The following GALNT9 variants were observed in gnomAD, a reference collection of about 807,000 sequenced individuals.
GALNT9 encodes GalNAc transferase 9.
Under a neutral mutation model 63.1 loss-of-function variants are expected in GALNT9, and 47 were observed. The ratio of observed to expected loss-of-function variants is 0.75; its 90% CI spans 0.59 to 0.95. The LOEUF is 0.95. Ranked by LOEUF, GALNT9 falls within the 40% of genes least tolerant of loss-of-function variation. The probability of loss-of-function intolerance (pLI) is 0.00; values close to 1 mark genes in which losing one functional copy is unlikely to be tolerated. For missense variants in GALNT9, 829 were observed against 874.8 expected (o/e 0.95, Z 0.66); for synonymous variants, 396 against 365.7 (o/e 1.08, Z -0.94).
At chr12:132,272,559 C>T (rs1044650917) in intron 2 of GALNT9, 1 of 152,230 alleles carries the variant, frequency 6.6e-6, no homozygotes, top group Admixed American at 6.5e-5. Context: ...CACCTAACAC[C>T]TGACACTCAT....
chr12:132,312,216 C>T (rs1402379635), intron 1 of GALNT9, among the ~76,000 whole-genome samples: 1 of 152,180 alleles, frequency 6.6e-6, no homozygotes, highest in Non-Finnish European at 1.5e-5. Context: ...ACTAATACAG[C>T]GTTTGATAAA....
chr12:132,198,459 T>G (rs7979100), intron 9 of GALNT9, among the ~76,000 whole-genome samples: 107,437 of 151,748 alleles, frequency 0.71, 38,114 homozygotes, highest in South Asian at 0.72. Context: ...CCTGGGCCTG[T>G]GCTGCAGGTG....
chr12:132,291,757 A>G (rs1880868261), intron 1 of GALNT9, among the ~76,000 whole-genome samples: 1 of 152,178 alleles, frequency 6.6e-6, no homozygotes, highest in African/African-American at 2.4e-5. Flanking sequence ...ACCCCTGGAG[A>G]CCAGATGCGC....
intron 7 of GALNT9, 150 bp from the exon 8 acceptor site, chr12:132,201,411 GGACC>G: frequency 4.1e-6 from 2 of 491,552 alleles, no homozygotes; most frequent in South Asian, 2.1e-5. Flanking sequence ...CATCCAGTTG[GGACC>G]CCCCAGCCTC....
chr12:132,225,446 ACAC>A (rs1470986955), intron 6 of GALNT9, among the ~76,000 whole-genome samples: 3 of 146,288 alleles, frequency 2.1e-5, no homozygotes, highest in Non-Finnish European at 1.5e-5. Context: ...CACACACACC[ACAC>A]AACTGAAACT....
At chr12:132,314,013 CCACCCATACATCCATCCACT>C (rs1868391822) in intron 1 of GALNT9, among the ~76,000 whole-genome samples, 1 of 68,252 alleles carries the variant, frequency 1.5e-5, no homozygotes, top group Non-Finnish European at 3.4e-5. Flanking sequence ...ATCCACCCAC[CCACCCATACATCCATCCACT>C]CACCCACCCA....
chr12:132,299,396 T>C (rs1391425123), intron 1 of GALNT9, among the ~76,000 whole-genome samples: 1 of 126,564 alleles, frequency 7.9e-6, no homozygotes, highest in Non-Finnish European at 1.7e-5. Context: ...AACCCATCCC[T>C]GAGATGACCA....
chr12:132,311,257 A>G (rs1414651117), intron 1 of GALNT9, among the ~76,000 whole-genome samples: 1 of 152,194 alleles, frequency 6.6e-6, no homozygotes, highest in Admixed American at 6.5e-5. Flanking sequence ...AAGGGGGAAG[A>G]AATCAGAGGT....
intron 1 of GALNT9, among the ~76,000 whole-genome samples, chr12:132,304,265 G>A (rs1475001871): frequency 3.3e-4 from 14 of 41,898 alleles, no homozygotes; most frequent in African/African-American, 5.1e-4. Context: ...CCTCACCCGG[G>A]CACACCCTCG....
rs187688540 is a variant in GALNT9 at position 132,302,728 on chromosome 12, G to C, written c.239-16298C>G. ...GGCAGGATCCCCAGGAAGAGGAGTCGGAGGGAAGAGAAAGGCCAGGAGGGC... is the reference window on the plus strand; with the variant it reads ...GGCAGGATCCCCAGGAAGAGGAGTCCGAGGGAAGAGAAAGGCCAGGAGGGC... On this transcript the variant is annotated intron_variant, in intron 1 of 10. Transcript: ENST00000328957. 3.2e-4 allele frequency among the ~76,000 whole-genome samples: 49 copies of C among 152,336 alleles called. No homozygotes were observed. In the East Asian group the frequency reaches 8.9e-3, roughly 28 times the overall value.
At chr12:132,313,200 T>G (rs1295513735) in intron 1 of GALNT9, among the ~76,000 whole-genome samples, 1 of 77,880 alleles carries the variant, frequency 1.3e-5, no homozygotes, top group African/African-American at 5.2e-5. Context: ...CATACATCTG[T>G]ACATCCATCC....
rs147444947 is a variant in GALNT9 at position 132,243,816 on chromosome 12, C to T, written c.1077+4094G>A. 1.2e-3 allele frequency among the ~76,000 whole-genome samples: 189 copies of T among 152,306 alleles called. 2 individuals are homozygous for T. Among genetic ancestry groups the T allele is most frequent in the African/African-American group, 4.2e-3 (174 of 41,576 alleles). ...CTGGGGACTGGGAATCAGCCGCTGTCCCAGCCCACCCGTCAATCACCCATC... is the reference window on the plus strand; with the variant it reads ...CTGGGGACTGGGAATCAGCCGCTGTTCCAGCCCACCCGTCAATCACCCATC... On this transcript the variant is annotated intron_variant, in intron 6 of 10. Coordinates refer to ENST00000328957, the MANE Select transcript of GALNT9 (RefSeq NM_001122636.2).
intron 7 of GALNT9, among the ~76,000 whole-genome samples, chr12:132,203,214 C>A (rs1876319818): frequency 6.6e-6 from 1 of 152,214 alleles, no homozygotes; most frequent in Non-Finnish European, 1.5e-5. Context: ...GAGGCCGCCC[C>A]TCCCTGGCTT....
intron 2 of GALNT9, among the ~76,000 whole-genome samples, chr12:132,268,765 C>G (rs543986496): frequency 6.6e-6 from 1 of 152,246 alleles, no homozygotes; most frequent in Non-Finnish European, 1.5e-5. Context: ...AAGCAGCCAT[C>G]AAGCACGTGC....
chr12:132,264,810 A>T (rs1284991796), intron 2 of GALNT9, among the ~76,000 whole-genome samples: 1 of 152,174 alleles, frequency 6.6e-6, no homozygotes, highest in African/African-American at 2.4e-5. Flanking sequence ...GGCTCCTAGA[A>T]GTGGGGCCCG....
Position 132,329,431 on chromosome 12 carries a change from G to A in GALNT9, c.-228C>T. On this transcript the variant is annotated 5_prime_UTR_variant, in exon 1 of 11. Coordinates refer to ENST00000328957, the MANE Select transcript of GALNT9 (RefSeq NM_001122636.2). ...GGGGCTGGGGTCGCGGGGCGCGGCC[G>A]GCATCCCCCGCTCAGAGGGCGCGGC... 2.6e-6 allele frequency: 1 copy of A among 381,320 alleles called. No homozygotes were observed. The highest frequency in any genetic ancestry group is 4.0e-6 in the Non-Finnish European group (1 of 248,454). The allele number at this position is 381,320 out of a possible 1,614,324, so 23.6% of individuals were successfully genotyped here. A position where few individuals can be genotyped will look rare whatever the true frequency, so the allele number is the denominator to read the frequency against.
chr12:132,198,437 G>C (rs914617988), intron 9 of GALNT9, among the ~76,000 whole-genome samples: 4 of 151,174 alleles, frequency 2.6e-5, no homozygotes, highest in African/African-American at 7.4e-5. Context: ...CGGGGCTGGG[G>C]CTGGGGCTGG....
At chr12:132,311,055 G>A (rs1176561334) in intron 1 of GALNT9, among the ~76,000 whole-genome samples, 1 of 152,194 alleles carries the variant, frequency 6.6e-6, no homozygotes, top group Non-Finnish European at 1.5e-5. Flanking sequence ...CCGCTGAAAA[G>A]CACTAAGAAT....
intron 8 of GALNT9, 28 bp downstream of exon 8, chr12:132,201,096 C>G (rs199913384): frequency 6.2e-7 from 1 of 1,606,572 alleles, no homozygotes. Context: ...CCTGTCGGGC[C>G]GAACGGGGCC....
Sources: gnomAD v4.1 joint callset for allele counts (sites outside exome capture counted in the v4.1 genomes callset) on GRCh38, gnomAD v4.1.1 for gene constraint, MANE v1.5 for transcripts, NCBI Gene and HGNC (gene_info 2026-07-23, HGNC 2026-07-21) for gene names.